GPC5: variants seen among roughly 807,000 people sequenced by gnomAD.
The protein encoded by GPC5 is glypican-5.
GPC5 carries 47 observed loss-of-function variants against 53.9 expected under a neutral mutation model. The observed-to-expected ratio is 0.87, with a 90% CI of 0.69 to 1.11. The LOEUF (loss-of-function observed/expected upper bound fraction) is 1.11. Ranked by LOEUF, GPC5 falls within the 50% of genes most tolerant of loss-of-function variation. GPC5 has a pLI of 0.00. For synonymous variants in GPC5, 286 were observed against 263.3 expected (o/e 1.09, Z -0.84); for missense variants, 748 against 713.1 (o/e 1.05, Z -0.56).
chr13:92,228,650 A>G (rs975197942), intron 7 of GPC5, among the ~76,000 whole-genome samples: 20 of 152,298 alleles, frequency 1.3e-4, no homozygotes, highest in African/African-American at 4.8e-4. Flanking sequence ...TAATTTATCT[A>G]TTAAAGATGG....
chr13:92,596,182 AG>A (rs59074647), intron 7 of GPC5, among the ~76,000 whole-genome samples: 24,731 of 152,188 alleles, frequency 0.16, 2,481 homozygotes, highest in Non-Finnish European at 0.22. Flanking sequence ...AACTAGTGGC[AG>A]TCCCCAAACT....
chr13:91,986,915 G>A (rs2040413228), intron 6 of GPC5, among the ~76,000 whole-genome samples: 1 of 140,760 alleles, frequency 7.1e-6, no homozygotes, highest in African/African-American at 2.5e-5. Flanking sequence ...TGTGTAGATA[G>A]TTACAAGGTG....
intron 2 of GPC5, among the ~76,000 whole-genome samples, chr13:91,537,944 T>G (rs1273346786): frequency 6.6e-6 from 1 of 152,208 alleles, no homozygotes; most frequent in Non-Finnish European, 1.5e-5. Flanking sequence ...ATAATAGCAT[T>G]ATTTACAATA....
At chr13:92,706,703 GCTAA>G (rs1253765108) in intron 7 of GPC5, among the ~76,000 whole-genome samples, 4 of 152,098 alleles carry the variant, frequency 2.6e-5, no homozygotes, top group African/African-American at 9.6e-5. Context: ...AATATTTTCC[GCTAA>G]CTAACTAACT....
chr13:92,113,470 C>A lies in GPC5; in HGVS notation c.1402-31360C>A, dbSNP rs536987552. ...CTAAGCATGTTTCAGGCTTGACTTT[C>A]CTCTGTCAGTCAATTAGTCTGACTT... is the stretch of plus-strand genomic sequence containing the variant. On this transcript the variant is annotated intron_variant, in intron 6 of 7. Transcript: ENST00000377067. Among the ~76,000 whole-genome samples, 122 of 152,276 alleles carry A rather than the reference C, an allele frequency of 8.0e-4. 1 individual carries two copies. The Middle Eastern group carries it at 0.031, about 38-fold the overall frequency.
intron 7 of GPC5, among the ~76,000 whole-genome samples, chr13:92,584,166 C>A (rs1383642043): frequency 6.6e-6 from 1 of 152,096 alleles, no homozygotes; most frequent in Admixed American, 6.5e-5. Context: ...AACTGGATAA[C>A]AGGCAGGGGT....
At chr13:91,571,765 A>ATGTGTATATATACACACATATACGTGTG (rs1555325772) in intron 2 of GPC5, among the ~76,000 whole-genome samples, 1 of 67,694 alleles carries the variant, frequency 1.5e-5, no homozygotes, top group Non-Finnish European at 2.5e-5. Context: ...ATACATGTGT[A>ATGTGTATATATACACACATATACGTGTG]TGTGTATATA....
chr13:92,813,543 G>A (rs938923925), intron 7 of GPC5, among the ~76,000 whole-genome samples: 3 of 151,854 alleles, frequency 2.0e-5, no homozygotes, highest in Non-Finnish European at 4.4e-5. Context: ...TTATTTTTAG[G>A]AATTGTTCAA....
intron 5 of GPC5, among the ~76,000 whole-genome samples, chr13:91,766,936 A>G (rs2037537417): frequency 6.6e-6 from 1 of 152,246 alleles, no homozygotes; most frequent in South Asian, 2.1e-4. Flanking sequence ...TGAACAGTTT[A>G]GAATCCTAGA....
chr13:91,812,874 C>T (rs2038335759), intron 5 of GPC5, among the ~76,000 whole-genome samples: 2 of 152,160 alleles, frequency 1.3e-5, no homozygotes, highest in Admixed American at 6.5e-5. Flanking sequence ...TACCCTCTGA[C>T]CCAGTTTGCA....
At chr13:92,752,579 G>T (rs893842207) in intron 7 of GPC5, among the ~76,000 whole-genome samples, 1 of 152,114 alleles carries the variant, frequency 6.6e-6, no homozygotes, top group Non-Finnish European at 1.5e-5. Context: ...CTGAGGTACC[G>T]GGTTCATCTC....
intron 7 of GPC5, among the ~76,000 whole-genome samples, chr13:92,840,534 T>G (rs544575357): frequency 6.6e-6 from 1 of 152,260 alleles, no homozygotes; most frequent in African/African-American, 2.4e-5. Context: ...TATCAAGACA[T>G]GTAAGCCCTT....
At chr13:92,664,077 A>G (rs887160009) in intron 7 of GPC5, among the ~76,000 whole-genome samples, 1 of 151,486 alleles carries the variant, frequency 6.6e-6, no homozygotes, top group Non-Finnish European at 1.5e-5. Flanking sequence ...GTCTAAAACA[A>G]AAAAAGATGG....
chr13:92,666,258 G>T (rs1886561024), intron 7 of GPC5, among the ~76,000 whole-genome samples: 9 of 152,186 alleles, frequency 5.9e-5, no homozygotes, highest in Middle Eastern at 3.4e-3. Flanking sequence ...GATACTTCCT[G>T]CAATGCCTCA....
intron 7 of GPC5, among the ~76,000 whole-genome samples, chr13:92,817,046 T>C (rs189463109): frequency 5.0e-4 from 76 of 152,062 alleles, no homozygotes; most frequent in African/African-American, 1.7e-3. Context: ...GCTTGAAGGA[T>C]TCTAATACTA....
chr13:91,947,219 T>C lies in GPC5; in HGVS notation c.1401+39162T>C, dbSNP rs1191077709. 2.0e-5 allele frequency among the ~76,000 whole-genome samples: 3 copies of C among 152,170 alleles called. No individual in the cohort carries two copies. In the East Asian group the frequency reaches 5.8e-4, roughly 29 times the overall value. On this transcript the variant is annotated intron_variant, in intron 6 of 7. Coordinates refer to ENST00000377067, the MANE Select transcript of GPC5 (RefSeq NM_004466.6). ...TTTTCAGGTACCCATTTTCAATCCT[T>C]ATTCATACTGAGGATTCAAATTTGG...
chr13:91,775,480 T>C (rs992772316), intron 5 of GPC5, among the ~76,000 whole-genome samples: 2 of 152,182 alleles, frequency 1.3e-5, no homozygotes, highest in Non-Finnish European at 2.9e-5. Context: ...TGCAATTTTT[T>C]TGTGTACAAA....
intron 7 of GPC5, among the ~76,000 whole-genome samples, chr13:92,260,418 T>C (rs574996307): frequency 4.4e-4 from 67 of 152,214 alleles, no homozygotes; most frequent in Non-Finnish European, 7.9e-4. Flanking sequence ...AATACCCCGT[T>C]GGAATATGAA....
chr13:91,938,773 A>G (rs1227584580), intron 6 of GPC5, among the ~76,000 whole-genome samples: 1 of 152,104 alleles, frequency 6.6e-6, no homozygotes, highest in Non-Finnish European at 1.5e-5. Flanking sequence ...AAATTGACAA[A>G]TGTAGGTATG....
Sources: gnomAD v4.1 joint callset for allele counts (sites outside exome capture counted in the v4.1 genomes callset) on GRCh38, gnomAD v4.1.1 for gene constraint, MANE v1.5 for transcripts, NCBI Gene and HGNC (gene_info 2026-07-23, HGNC 2026-07-21) for gene names.